CCDC83: variants seen among roughly 807,000 people sequenced by gnomAD.
CCDC83 encodes the protein coiled-coil domain-containing protein 83.
A neutral mutation model predicts 50.1 loss-of-function variants in CCDC83; 54 were observed. The observed-to-expected ratio is 1.08, with a 90% CI of 0.87 to 1.35. The LOEUF (loss-of-function observed/expected upper bound fraction) is 1.35, where lower values mean the gene tolerates loss of function less well. Ranked by LOEUF, CCDC83 falls within the 40% of genes most tolerant of loss-of-function variation. The pLI, the probability that CCDC83 is intolerant of heterozygous loss-of-function variation, is 0.00. For synonymous variants in CCDC83, 161 were observed against 153.3 expected, an observed-to-expected ratio of 1.05 and a Z score of -0.37; for missense variants, 518 against 473.9, an observed-to-expected ratio of 1.09 and a Z score of -0.86.
intron 3 of CCDC83, among the ~76,000 whole-genome samples, chr11:85,877,494 T>A (rs1335254778): frequency 6.6e-6 from 1 of 152,134 alleles, no homozygotes; most frequent in Non-Finnish European, 1.5e-5. Context: ...ATTAAACAAT[T>A]TTTTTTAAAT....
At chr11:85,886,514 G>A in intron 5 of CCDC83, 147 bp downstream of exon 5, 1 of 565,774 alleles carries the variant, frequency 1.8e-6, no homozygotes, top group Admixed American at 3.9e-5. Context: ...TAAAGGTGGA[G>A]GGAGGAAGCA....
chr11:85,900,693 TAAAC>T (rs1234776256), intron 7 of CCDC83, among the ~76,000 whole-genome samples: 2 of 152,030 alleles, frequency 1.3e-5, no homozygotes, highest in Admixed American at 6.6e-5. Flanking sequence ...AAATAAAAAA[TAAAC>T]AATAACAACA....
chr11:85,918,358 T>C (rs1363448687), intron 10 of CCDC83, among the ~76,000 whole-genome samples: 2 of 152,148 alleles, frequency 1.3e-5, no homozygotes, highest in Non-Finnish European at 2.9e-5. Context: ...GTGCTTATCA[T>C]TGCACCCCAG....
chr11:85,913,338 C>CA (rs1370730739), intron 8 of CCDC83, among the ~76,000 whole-genome samples: 5 of 152,148 alleles, frequency 3.3e-5, no homozygotes, highest in African/African-American at 1.2e-4. Flanking sequence ...CTCCTTGAGG[C>CA]AACTGTTTTG....
intron 10 of CCDC83, among the ~76,000 whole-genome samples, chr11:85,917,165 A>G (rs1391294456): frequency 9.6e-6 from 1 of 104,378 alleles, no homozygotes; most frequent in African/African-American, 3.8e-5. Flanking sequence ...AGAGAGAGAG[A>G]GAGAAAGAAA....
At chr11:85,905,569 T>C (rs1233003310) in intron 7 of CCDC83, among the ~76,000 whole-genome samples, 1 of 147,472 alleles carries the variant, frequency 6.8e-6, no homozygotes, top group African/African-American at 2.5e-5. Flanking sequence ...GAGATTGTGC[T>C]ACTTTACTCC....
intron 1 of CCDC83, among the ~76,000 whole-genome samples, chr11:85,863,457 G>T (rs1293698388): frequency 6.6e-6 from 1 of 152,094 alleles, no homozygotes; most frequent in Non-Finnish European, 1.5e-5. Context: ...TAATGTATTA[G>T]ATCTTTTTGT....
At chr11:85,917,158 G>GAAAGAAAGAA (rs1202011090) in intron 10 of CCDC83, among the ~76,000 whole-genome samples, 19 of 66,806 alleles carry the variant, frequency 2.8e-4, no homozygotes, top group Non-Finnish European at 3.7e-4. Flanking sequence ...GAGAGAGAGA[G>GAAAGAAAGAA]AGAGAGAGAG....
intron 5 of CCDC83, among the ~76,000 whole-genome samples, chr11:85,889,937 C>T (rs1272249155): frequency 1.3e-5 from 2 of 152,204 alleles, no homozygotes; most frequent in African/African-American, 4.8e-5. Flanking sequence ...ACCAGTTTCG[C>T]ACCTTTGATC....
At position 85,906,545 on chromosome 11, in the gene CCDC83, C is replaced by CT. The variant is rs1475852513; in HGVS notation, c.673-4735dup. Among the ~76,000 whole-genome samples the CT allele has an allele frequency of 2.0e-5, 3 of 152,162 alleles. No individual in the cohort carries two copies. In the East Asian group the frequency reaches 5.8e-4, roughly 29 times the overall value. On this transcript the variant is annotated intron_variant, in intron 7 of 10. Coordinates refer to ENST00000342404, the MANE Select transcript of CCDC83 (RefSeq NM_001286159.2). ...GGAAATAAATGACAGAAAAAAAAGTCTAAGTTTAATGGCATCAGGAACAAA... is the reference window on the plus strand; with the variant it reads ...GGAAATAAATGACAGAAAAAAAAGTCTTAAGTTTAATGGCATCAGGAACAAA...
At chr11:85,897,640 A>G (rs1266744891) in intron 6 of CCDC83, among the ~76,000 whole-genome samples, 1 of 152,226 alleles carries the variant, frequency 6.6e-6, no homozygotes, top group Non-Finnish European at 1.5e-5. Flanking sequence ...CTAAGGTTGA[A>G]ATCACTGATC....
At chr11:85,877,283 C>T (rs2093274508) in intron 3 of CCDC83, among the ~76,000 whole-genome samples, 1 of 152,058 alleles carries the variant, frequency 6.6e-6, no homozygotes, top group South Asian at 2.1e-4. Context: ...CCAGCCTGGG[C>T]AACATAGTGA....
chr11:85,901,408 A>G (rs1450209358), intron 7 of CCDC83, among the ~76,000 whole-genome samples: 1 of 152,000 alleles, frequency 6.6e-6, no homozygotes, highest in African/African-American at 2.4e-5. Context: ...CCCCATCTAT[A>G]CAAAAAATAG....
At chr11:85,886,633 G>A (rs1484857471) in intron 5 of CCDC83, among the ~76,000 whole-genome samples, 1 of 152,184 alleles carries the variant, frequency 6.6e-6, no homozygotes, top group Non-Finnish European at 1.5e-5. Context: ...TAAGAAAGAC[G>A]CTTCTGGCTG....
rs546064087 is a variant in CCDC83 at position 85,914,244 on chromosome 11, T to G, written c.795-1175T>G. 5.9e-5 allele frequency among the ~76,000 whole-genome samples: 9 copies of G among 152,356 alleles called. No individual in the cohort carries two copies. The South Asian group carries it at 1.9e-3, about 32-fold the overall frequency. On this transcript the variant is annotated intron_variant, in intron 8 of 10. Transcript: ENST00000342404. The stretch of plus-strand genomic sequence containing the variant: ...AACTCACAGCCCCTAATTTAGGGGA[T>G]TCACTTTACTTGCTTAGCTGCTAAG...
In CCDC83 at chr11:85,912,687, G is replaced by A. The variant is rs534926725; in HGVS notation, c.794+1285G>A. Reference sequence around the variant, plus strand: ...CATTCCTGTCCCACCTCTAATCCTCGTCATCTGCTGCTGCTGCCTTTGGAA... The same window carrying A: ...CATTCCTGTCCCACCTCTAATCCTCATCATCTGCTGCTGCTGCCTTTGGAA... On this transcript the variant is annotated intron_variant, in intron 8 of 10. Transcript: ENST00000342404. The A allele has an allele frequency of 1.7e-5, 28 of 1,612,650 alleles. No homozygotes were observed. The highest frequency in any genetic ancestry group is 1.6e-4 in the Middle Eastern group (1 of 6,062).
chr11:85,885,946 A>G (rs2093324705), intron 4 of CCDC83, among the ~76,000 whole-genome samples: 1 of 152,230 alleles, frequency 6.6e-6, no homozygotes, highest in Non-Finnish European at 1.5e-5. Context: ...TGGGTTGTCT[A>G]TTACGTCTTT....
chr11:85,875,490 C>T (rs1190502380), intron 3 of CCDC83, among the ~76,000 whole-genome samples: 1 of 152,204 alleles, frequency 6.6e-6, no homozygotes, highest in African/African-American at 2.4e-5. Flanking sequence ...ATGCTGTTTC[C>T]TCTTCCTGGA....
chr11:85,863,080 C>A (rs1051393260), intron 1 of CCDC83, among the ~76,000 whole-genome samples: 1 of 152,116 alleles, frequency 6.6e-6, no homozygotes, highest in Non-Finnish European at 1.5e-5. Context: ...TCCTCCAGCA[C>A]CAGATGGGTA....
Sources: gnomAD v4.1 joint callset for allele counts (sites outside exome capture counted in the v4.1 genomes callset) on GRCh38, gnomAD v4.1.1 for gene constraint, MANE v1.5 for transcripts, NCBI Gene and HGNC (gene_info 2026-07-23, HGNC 2026-07-21) for gene names.